ANO1: variants seen among roughly 807,000 people sequenced by gnomAD.
ANO1 encodes anoctamin-1.
A neutral mutation model predicts 124.0 loss-of-function variants in ANO1; 59 were observed. The observed-to-expected ratio is 0.48, with a 90% CI of 0.39 to 0.59. ANO1 has a LOEUF of 0.59. ANO1 is among the 20% of genes least tolerant of loss of function. ANO1 has a pLI of 0.00. For synonymous variants in ANO1, 529 were observed against 532.0 expected, an observed-to-expected ratio of 0.99 and a Z score of 0.08; for missense variants, 1,059 against 1,328.0, an observed-to-expected ratio of 0.80 and a Z score of 3.15.
chr11:69,982,442 C>T (rs1295806249), upstream of ANO1, among the ~76,000 whole-genome samples: 2 of 152,240 alleles, frequency 1.3e-5, no homozygotes, highest in Non-Finnish European at 1.5e-5. Flanking sequence ...GAGCTCCAAT[C>T]GGCTCTTCTG....
intron 1 of ANO1, among the ~76,000 whole-genome samples, chr11:70,001,387 T>C (rs1856379081): frequency 6.6e-6 from 1 of 152,098 alleles, no homozygotes; most frequent in Non-Finnish European, 1.5e-5. Context: ...CCAGCAGCAT[T>C]GTTCATGAAA....
At chr11:70,084,142 G>A (rs116016887) in intron 1 of ANO1, among the ~76,000 whole-genome samples, 3 of 152,238 alleles carry the variant, frequency 2.0e-5, no homozygotes, top group African/African-American at 4.8e-5. Context: ...GCCCTCAGGC[G>A]CACCTGGGAC....
intron 11 of ANO1, among the ~76,000 whole-genome samples, chr11:70,141,375 G>A (rs920870375): frequency 5.9e-5 from 9 of 152,130 alleles, no homozygotes; most frequent in African/African-American, 1.9e-4. Flanking sequence ...TGGGAGTGGG[G>A]GACTCTGTGC....
chr11:70,048,378 C>T (rs1857292570), intron 1 of ANO1, among the ~76,000 whole-genome samples: 1 of 151,834 alleles, frequency 6.6e-6, no homozygotes. Flanking sequence ...TTTAACAGAT[C>T]AGTTTCTATT....
intron 1 of ANO1, among the ~76,000 whole-genome samples, chr11:69,988,230 T>G (rs1856086523): frequency 6.6e-6 from 1 of 152,204 alleles, no homozygotes; most frequent in Non-Finnish European, 1.5e-5. Flanking sequence ...GAAAGAGGTC[T>G]GGGTTCCCAC....
intron 6 of ANO1, chr11:70,111,133 C>T (rs745921975): frequency 1.8e-5 from 8 of 456,584 alleles, no homozygotes; most frequent in Middle Eastern, 3.2e-4. Context: ...CAGGGCAAGG[C>T]GAGGGAAGAA....
At chr11:70,032,494 G>T (rs1398855403) in intron 1 of ANO1, among the ~76,000 whole-genome samples, 2 of 150,956 alleles carry the variant, frequency 1.3e-5, no homozygotes, top group African/African-American at 4.9e-5. Context: ...TAGTGGGAAG[G>T]GAGCAAAAAA....
At chr11:69,970,982 C>T in the ANO1 span, among the ~76,000 whole-genome samples, 1 of 152,214 alleles carries the variant, frequency 6.6e-6, no homozygotes, top group Non-Finnish European at 1.5e-5. Context: ...TGAACTTAGT[C>T]CATGGCCACA....
chr11:70,126,125 A>C lies in ANO1; in HGVS notation c.1027A>C (p.Ile343Leu). The C allele has an allele frequency of 1.9e-6, 3 of 1,613,722 alleles. No individual in the cohort carries two copies. Among genetic ancestry groups the C allele is most frequent in the South Asian group, 2.2e-5 (2 of 90,974 alleles). ...AWLGVYTQML[I>L]PASIVGIIVF... ...GCTGGGCGTGTACACCCAGATGCTC[A>C]TCCCTGCCTCCATCGTGGGAATCAT... is the stretch of plus-strand genomic sequence containing the variant. Residue 343 changes from isoleucine (I) to leucine (L), a missense_variant, in exon 10 of 26, where the codon ATC becomes CTC. By Grantham distance (5) the Ile-to-Leu change is conservative. Around this residue, in one of 2 missense-constraint regions of ANO1, gnomAD observed 809 missense variants for 1,094.9 expected, o/e 0.74. Transcript: ENST00000355303.
At chr11:69,999,233 T>C (rs1554998845) in intron 1 of ANO1, among the ~76,000 whole-genome samples, 1 of 151,954 alleles carries the variant, frequency 6.6e-6, no homozygotes, top group Non-Finnish European at 1.5e-5. Context: ...AGGCATATCA[T>C]ATGGCCAGAG....
upstream of ANO1, among the ~76,000 whole-genome samples, chr11:69,982,262 G>A (rs147452802): frequency 1.5e-4 from 23 of 152,138 alleles, no homozygotes; most frequent in African/African-American, 4.6e-4. Context: ...CCCGTTACTC[G>A]CCAGATGCCC....
At chr11:70,100,975 G>A (rs1233192769) in intron 2 of ANO1, among the ~76,000 whole-genome samples, 1 of 152,322 alleles carries the variant, frequency 6.6e-6, no homozygotes, top group Middle Eastern at 3.4e-3. Flanking sequence ...CGTAGGGCAG[G>A]CCTCGTGGAC....
At chr11:70,062,956 G>A (rs1857626626) in intron 1 of ANO1, among the ~76,000 whole-genome samples, 1 of 152,046 alleles carries the variant, frequency 6.6e-6, no homozygotes, top group Non-Finnish European at 1.5e-5. Flanking sequence ...TTGAGACAGA[G>A]TCTCACTCTG....
At chr11:70,105,351 A>G (rs1030006371) in intron 4 of ANO1, among the ~76,000 whole-genome samples, 8 of 151,736 alleles carry the variant, frequency 5.3e-5, no homozygotes, top group African/African-American at 1.9e-4. Context: ...GAGCTGTCTG[A>G]TGGTGGCGGT....
intron 11 of ANO1, among the ~76,000 whole-genome samples, chr11:70,148,269 TC>T (rs1443257279): frequency 6.6e-6 from 1 of 152,000 alleles, no homozygotes; most frequent in Non-Finnish European, 1.5e-5. Context: ...AGCCTCAGTT[TC>T]CCCCTCTGTA....
At chr11:70,136,270 G>C (rs547792656) in intron 11 of ANO1, among the ~76,000 whole-genome samples, 1 of 152,306 alleles carries the variant, frequency 6.6e-6, no homozygotes, top group South Asian at 2.1e-4. Flanking sequence ...CTCTGGGCTT[G>C]TCGGTCCCCT....
At chr11:69,984,784 G>A (rs1329839895), upstream of ANO1, among the ~76,000 whole-genome samples, 1 of 152,208 alleles carries the variant, frequency 6.6e-6, no homozygotes, top group Admixed American at 6.5e-5. Flanking sequence ...CCTGGCATGG[G>A]CTGGTCCTCA....
chr11:70,090,736 C>T (rs148055641), intron 2 of ANO1, among the ~76,000 whole-genome samples: 9 of 152,322 alleles, frequency 5.9e-5, no homozygotes, highest in African/African-American at 2.2e-4. Flanking sequence ...ACATTGGTTA[C>T]TGTCACCAAA....
chr11:70,116,998 A>T (rs549115699), intron 8 of ANO1, among the ~76,000 whole-genome samples: 16 of 151,792 alleles, frequency 1.1e-4, no homozygotes, highest in Non-Finnish European at 1.5e-4. Context: ...AATTTACCTG[A>T]CCTGGAACCC....
Sources: gnomAD v4.1 joint callset for allele counts (sites outside exome capture counted in the v4.1 genomes callset) on GRCh38, gnomAD v4.1.1 for gene constraint, gnomAD v4.1.1 regional missense constraint, MANE v1.5 for transcripts, NCBI Gene and HGNC (gene_info 2026-07-23, HGNC 2026-07-21) for gene names.